SGCG: variants seen among roughly 807,000 people sequenced by gnomAD.
SGCG encodes sarcoglycan gamma, also known as gamma-sarcoglycan.
Under a neutral mutation model 29.3 loss-of-function variants are expected in SGCG, and 26 were observed. That is an observed-to-expected ratio of 0.89 (90% confidence interval 0.65 to 1.23). SGCG has a LOEUF of 1.23. SGCG is among the 50% of genes most tolerant of loss of function. The probability of loss-of-function intolerance (pLI) is 0.00; values close to 1 mark genes in which losing one functional copy is unlikely to be tolerated. For missense variants in SGCG, 353 were observed against 356.0 expected (o/e 0.99, Z 0.07); for synonymous variants, 145 against 129.7 (o/e 1.12, Z -0.80).
At chr13:23,259,306 CT>C in intron 4 of SGCG, among the ~76,000 whole-genome samples, 1 of 152,250 alleles carries the variant, frequency 6.6e-6, no homozygotes, top group Non-Finnish European at 1.5e-5. Context: ...TCCATTTCTT[CT>C]AGATTTTCTG....
At chr13:23,207,634 C>A (rs1326138811) in intron 2 of SGCG, among the ~76,000 whole-genome samples, 3 of 152,050 alleles carry the variant, frequency 2.0e-5, no homozygotes, top group Admixed American at 6.6e-5. Flanking sequence ...GACAAATAAC[C>A]TGATTAAAAA....
chr13:23,234,655 G>C lies in SGCG; in HGVS notation c.240G>C (p.Leu80Phe). The C allele has an allele frequency of 6.2e-7, 1 of 1,613,072 alleles. No individual in the cohort carries two copies. The highest frequency in any genetic ancestry group is 8.5e-7 in the Non-Finnish European group (1 of 1,179,348). Residue 80 changes from leucine (L) to phenylalanine (F), a missense_variant, in exon 3 of 8, where the codon TTG becomes TTC. By Grantham distance (22) the Leu-to-Phe change is conservative. Coordinates refer to ENST00000218867, the MANE Select transcript of SGCG (RefSeq NM_000231.3). The stretch of plus-strand genomic sequence containing the variant: ...GTGTAACAAAAGATGGACTGCGCTT[G>C]GAAGGGGAATCAGAATTTTTATTCC... ...HLCVTKDGLR[L>F]EGESEFLFPL...
At chr13:23,263,341 T>C (rs1880518599) in intron 4 of SGCG, among the ~76,000 whole-genome samples, 1 of 152,118 alleles carries the variant, frequency 6.6e-6, no homozygotes, top group Non-Finnish European at 1.5e-5. Context: ...TTGAGTTTCC[T>C]GTAGACACTT....
intron 4 of SGCG, among the ~76,000 whole-genome samples, chr13:23,258,531 C>A (rs1880291930): frequency 1.3e-5 from 2 of 152,128 alleles, no homozygotes; most frequent in Admixed American, 1.3e-4. Flanking sequence ...TCACTGAATA[C>A]CCTTTATTTC....
At chr13:23,267,037 A>G (rs1880666504) in intron 4 of SGCG, among the ~76,000 whole-genome samples, 1 of 152,236 alleles carries the variant, frequency 6.6e-6, no homozygotes, top group African/African-American at 2.4e-5. Flanking sequence ...ATACCAAATT[A>G]TAAACAACAG....
intron 6 of SGCG, among the ~76,000 whole-genome samples, chr13:23,304,761 G>T (rs748686834): frequency 6.6e-5 from 10 of 152,104 alleles, no homozygotes; most frequent in Non-Finnish European, 1.3e-4. Context: ...CTGCCATCAT[G>T]CATGGCTAAT....
At chr13:23,260,761 C>A (rs1447129214) in intron 4 of SGCG, among the ~76,000 whole-genome samples, 1 of 152,144 alleles carries the variant, frequency 6.6e-6, no homozygotes, top group Non-Finnish European at 1.5e-5. Flanking sequence ...AATCTCTCAG[C>A]ATTTGCTTAT....
At chr13:23,193,921 GA>G (rs1877382371) in intron 1 of SGCG, among the ~76,000 whole-genome samples, 1 of 152,102 alleles carries the variant, frequency 6.6e-6, no homozygotes. Flanking sequence ...AAGGGCCTGA[GA>G]ATTAAAGTCT....
chr13:23,218,224 T>TA (rs1206048394), intron 2 of SGCG, among the ~76,000 whole-genome samples: 5 of 152,216 alleles, frequency 3.3e-5, no homozygotes, highest in Non-Finnish European at 7.3e-5. Flanking sequence ...GAAAACATGT[T>TA]AGTGTTCATT....
the SGCG span, among the ~76,000 whole-genome samples, chr13:23,170,392 A>G: frequency 2.6e-4 from 39 of 152,118 alleles, no homozygotes; most frequent in East Asian, 7.5e-3. Flanking sequence ...ATTTAAATTA[A>G]ATGATGTAAG....
chr13:23,317,785 G>C (rs1031007192), intron 6 of SGCG, among the ~76,000 whole-genome samples: 11 of 152,140 alleles, frequency 7.2e-5, no homozygotes, highest in Admixed American at 7.2e-4. Context: ...GATCTCAGGA[G>C]ATGTGTATGG....
At chr13:23,234,761 A>G (rs1566011112) in intron 3 of SGCG, 49 bp downstream of exon 3, 2 of 1,272,824 alleles carry the variant, frequency 1.6e-6, no homozygotes, top group Admixed American at 3.4e-5. Context: ...AAAATAAATC[A>G]TGTTTAAGCA....
At chr13:23,251,724 G>T (rs949603695) in intron 4 of SGCG, among the ~76,000 whole-genome samples, 2 of 152,080 alleles carry the variant, frequency 1.3e-5, no homozygotes, top group African/African-American at 4.8e-5. Flanking sequence ...TGGTGGAAGA[G>T]ACCCTTTGTT....
At chr13:23,176,033 A>G (rs997117282), upstream of SGCG, among the ~76,000 whole-genome samples, 28 of 152,302 alleles carry the variant, frequency 1.8e-4, 1 homozygote, top group Middle Eastern at 3.4e-3. Flanking sequence ...AAAGAGGCAA[A>G]TAATTGACAT....
intron 1 of SGCG, among the ~76,000 whole-genome samples, chr13:23,203,042 C>G (rs1172789411): frequency 2.0e-5 from 3 of 152,094 alleles, no homozygotes; most frequent in Non-Finnish European, 4.4e-5. Context: ...TCACTGCAAC[C>G]TCCATCTACT....
chr13:23,290,061 C>T (rs916289904), intron 5 of SGCG, among the ~76,000 whole-genome samples: 5 of 152,078 alleles, frequency 3.3e-5, no homozygotes, highest in Non-Finnish European at 7.4e-5. Context: ...GCCTATGAAT[C>T]GGGTGTATGG....
intron 5 of SGCG, among the ~76,000 whole-genome samples, chr13:23,285,359 C>T (rs182295197): frequency 2.2e-4 from 33 of 152,240 alleles, no homozygotes; most frequent in East Asian, 1.9e-3. Context: ...TGTCGAGGCT[C>T]GGTGGGGATC....
the SGCG span, among the ~76,000 whole-genome samples, chr13:23,160,825 C>T: frequency 6.6e-6 from 1 of 152,184 alleles, no homozygotes; most frequent in Admixed American, 6.5e-5. Flanking sequence ...GCCTTCTCTG[C>T]CCCAGACAGC....
At chr13:23,169,384 A>G in the SGCG span, among the ~76,000 whole-genome samples, 8 of 135,762 alleles carry the variant, frequency 5.9e-5, no homozygotes, top group South Asian at 4.5e-4. Flanking sequence ...CACCCTGTGG[A>G]AAAAAAAAAA....
Sources: allele counts gnomAD v4.1 joint callset (sites outside exome capture counted in the v4.1 genomes callset), GRCh38; gene constraint gnomAD v4.1.1; transcripts MANE v1.5; gene names NCBI Gene and HGNC (gene_info 2026-07-23, HGNC 2026-07-21).